The following LRRC7 variants were observed in gnomAD, a reference collection of about 807,000 sequenced individuals.
The protein encoded by LRRC7 is leucine rich repeat containing 7.
Under a neutral mutation model 175.7 loss-of-function variants are expected in LRRC7, and 23 were observed. The ratio of observed to expected loss-of-function variants is 0.13; its 90% CI spans 0.09 to 0.19. LRRC7 has a LOEUF of 0.19. Among genes scored for constraint, LRRC7 ranks in the 10% least tolerant of loss-of-function variants. The pLI is 1.00. For synonymous variants in LRRC7, 685 were observed against 680.9 expected (o/e 1.01, Z -0.09); for missense variants, 1,354 against 1,904.7 (o/e 0.71, Z 5.38).
chr1:69,675,728 C>T lies in LRRC7; in HGVS notation c.3-2653C>T, dbSNP rs138274833. On this transcript the variant is annotated intron_variant, in intron 1 of 26. Coordinates refer to ENST00000651989, the MANE Select transcript of LRRC7 (RefSeq NM_001370785.2). Reference sequence around the variant, plus strand: ...CTAGAAAATTTGATATAATTTAGTTCGCATAGCTAATCTTCATGATGAAAC... The same window carrying T: ...CTAGAAAATTTGATATAATTTAGTTTGCATAGCTAATCTTCATGATGAAAC... Among the ~76,000 whole-genome samples, 1,147 of 152,034 alleles carry T rather than the reference C, an allele frequency of 7.5e-3. 15 individuals are homozygous for T. The highest frequency in any genetic ancestry group is 0.027 in the African/African-American group (1,110 of 41,468).
chr1:69,641,323 G>C (rs1654169391), intron 1 of LRRC7, among the ~76,000 whole-genome samples: 1 of 151,514 alleles, frequency 6.6e-6, no homozygotes, highest in Non-Finnish European at 1.5e-5. Context: ...TACATGGGCA[G>C]TACTTTAAGT....
At chr1:70,070,128 G>C (rs1662270661) in intron 23 of LRRC7, among the ~76,000 whole-genome samples, 1 of 151,958 alleles carries the variant, frequency 6.6e-6, no homozygotes, top group Non-Finnish European at 1.5e-5. Context: ...CGAGTAACTG[G>C]GACTACAGGC....
In LRRC7 at chr1:69,857,642, T is replaced by C. The variant is rs550765619; in HGVS notation, c.647+19359T>C. The stretch of plus-strand genomic sequence containing the variant: ...AAACAAATGGAAGAACATTCCATAC[T>C]CATGGATAGGAAGAATCAATATCGT... On this transcript the variant is annotated intron_variant, in intron 7 of 26. Coordinates refer to ENST00000651989, the MANE Select transcript of LRRC7 (RefSeq NM_001370785.2). 5.3e-5 allele frequency among the ~76,000 whole-genome samples: 8 copies of C among 152,286 alleles called. No individual in the cohort carries two copies. In the South Asian group the frequency reaches 1.7e-3, roughly 32 times the overall value.
chr1:69,768,427 C>T (rs2100975735), intron 3 of LRRC7, among the ~76,000 whole-genome samples: 2 of 152,270 alleles, frequency 1.3e-5, no homozygotes, highest in South Asian at 4.1e-4. Context: ...TTATCTCATA[C>T]AAAATAACAA....
chr1:69,722,392 C>T (rs964337301), intron 2 of LRRC7, among the ~76,000 whole-genome samples: 4 of 151,966 alleles, frequency 2.6e-5, no homozygotes, highest in African/African-American at 9.7e-5. Context: ...TCTATGTAAG[C>T]ATATCTAGAA....
intron 1 of LRRC7, among the ~76,000 whole-genome samples, chr1:69,593,274 ATAAAG>A (rs1471062921): frequency 1.3e-5 from 2 of 152,144 alleles, no homozygotes; most frequent in African/African-American, 2.4e-5. Context: ...TTCGTGAAAA[ATAAAG>A]TAAGGTCATG....
intron 1 of LRRC7, among the ~76,000 whole-genome samples, chr1:69,623,549 C>CT (rs35199111): frequency 0.6 from 81,388 of 136,468 alleles, 25,566 homozygotes; most frequent in East Asian, 0.73. Context: ...AAAAGACATA[C>CT]TTTTTTTTTT....
chr1:70,032,791 C>T (rs1319670589), intron 18 of LRRC7, among the ~76,000 whole-genome samples: 1 of 152,108 alleles, frequency 6.6e-6, no homozygotes, highest in East Asian at 1.9e-4. Context: ...GGCTTCTTTT[C>T]TTTATGGCAG....
At position 69,857,469 on chromosome 1, in the gene LRRC7, AACAG is replaced by A. The variant is rs1683802304; in HGVS notation, c.647+19190_647+19193del. On this transcript the variant is annotated intron_variant, in intron 7 of 26. Transcript: ENST00000651989. ...ATCACAAACATTCTTATACACCAAT[AACAG>A]ACAAACAGCCAAATCATGAGTGAAC... Among the ~76,000 whole-genome samples, 2 of 152,056 alleles carry A rather than the reference AACAG, an allele frequency of 1.3e-5. 1 individual carries two copies. Among genetic ancestry groups the A allele is most frequent in the African/African-American group, 4.8e-5 (2 of 41,350 alleles).
chr1:69,616,442 T>C (rs1649635213), intron 1 of LRRC7, among the ~76,000 whole-genome samples: 1 of 152,058 alleles, frequency 6.6e-6, no homozygotes, highest in African/African-American at 2.4e-5. Flanking sequence ...TAAGATAGCA[T>C]AGTGAAACCT....
chr1:69,589,038 A>G (rs1245050), intron 1 of LRRC7, among the ~76,000 whole-genome samples: 22,481 of 146,720 alleles, frequency 0.15, 1,820 homozygotes, highest in Admixed American at 0.19. Flanking sequence ...TACATGTAAT[A>G]TACATTTTTA....
chr1:69,628,875 C>T (rs1157133763), intron 1 of LRRC7, among the ~76,000 whole-genome samples: 2 of 152,098 alleles, frequency 1.3e-5, no homozygotes, highest in Non-Finnish European at 2.9e-5. Flanking sequence ...GGAGAAAAGA[C>T]AGTCTCTTCA....
In LRRC7 at chr1:70,129,810, A is replaced by G. The variant is rs534803358; in HGVS notation, c.*7923A>G. ...CACATACCATGTATCATCAACATCT[A>G]TTCTTCTAAGGAGTTCTGATCCTCT... On this transcript the variant is annotated 3_prime_UTR_variant, in exon 27 of 27. Coordinates refer to ENST00000651989, the MANE Select transcript of LRRC7 (RefSeq NM_001370785.2). Among the ~76,000 whole-genome samples, 4 of 152,308 alleles carry G rather than the reference A, an allele frequency of 2.6e-5. No individual in the cohort carries two copies. Among genetic ancestry groups the G allele is most frequent in the East Asian group, 1.9e-4 (1 of 5,188 alleles).
chr1:69,994,750 T>G, intron 11 of LRRC7, 117 bp downstream of exon 11: 2 of 607,312 alleles, frequency 3.3e-6, no homozygotes, highest in Non-Finnish European at 2.8e-6. Flanking sequence ...TGTTCATCTG[T>G]CAGCTTATTT....
intron 1 of LRRC7, among the ~76,000 whole-genome samples, chr1:69,615,542 C>G (rs948030634): frequency 1.3e-5 from 2 of 151,986 alleles, no homozygotes; most frequent in African/African-American, 4.8e-5. Context: ...TTTCAGAATT[C>G]TAATCATGTG....
At chr1:69,576,902 C>A (rs1645974695) in intron 1 of LRRC7, among the ~76,000 whole-genome samples, 1 of 152,124 alleles carries the variant, frequency 6.6e-6, no homozygotes, top group Non-Finnish European at 1.5e-5. Flanking sequence ...TCTCCCAGTC[C>A]AGGGTTTGAA....
intron 7 of LRRC7, among the ~76,000 whole-genome samples, chr1:69,853,660 C>T (rs984340130): frequency 6.6e-6 from 1 of 151,966 alleles, no homozygotes; most frequent in Non-Finnish European, 1.5e-5. Flanking sequence ...CAGAAAGAAA[C>T]GTGAAAGAGT....
chr1:70,060,529 G>C (rs1661498267), intron 23 of LRRC7, among the ~76,000 whole-genome samples: 1 of 152,118 alleles, frequency 6.6e-6, no homozygotes, highest in Admixed American at 6.6e-5. Context: ...TGGGGTGAAT[G>C]TAGCTTATTT....
Position 70,131,034 on chromosome 1 carries a change from G to T in LRRC7, c.*9147G>T, listed in dbSNP as rs1243611322. ...CCACCCCCTATATCCCTAAAGTGAA[G>T]ATGTCATATAGTTCAGCCAAAATTA... On this transcript the variant is annotated 3_prime_UTR_variant, in exon 27 of 27. Coordinates refer to ENST00000651989, the MANE Select transcript of LRRC7 (RefSeq NM_001370785.2). 6.6e-6 allele frequency among the ~76,000 whole-genome samples: 1 copy of T among 152,098 alleles called. No homozygotes were observed. Among genetic ancestry groups the T allele is most frequent in the Non-Finnish European group, 1.5e-5 (1 of 68,012 alleles).
Sources: allele counts gnomAD v4.1 joint callset (sites outside exome capture counted in the v4.1 genomes callset), GRCh38; gene constraint gnomAD v4.1.1; transcripts MANE v1.5; gene names NCBI Gene and HGNC (gene_info 2026-07-23, HGNC 2026-07-21).